The following DIP2C variants were observed in gnomAD, a reference collection of about 807,000 sequenced individuals.
DIP2C encodes DIP2 acetate--CoA ligase C (putative), also known as disco-interacting protein 2 homolog C.
In DIP2C, 33 loss-of-function variants were observed where a neutral mutation model predicts 192.4. The ratio of observed to expected loss-of-function variants is 0.17; its 90% CI spans 0.13 to 0.23. The LOEUF (loss-of-function observed/expected upper bound fraction) is 0.23. DIP2C is among the 10% of genes least tolerant of loss of function. DIP2C has a pLI of 1.00. For missense variants in DIP2C, 1,537 were observed against 2,110.1 expected (o/e 0.73, Z 5.32); for synonymous variants, 979 against 864.1 (o/e 1.13, Z -2.33).
chr10:570,722 G>A (rs1376379853), intron 1 of DIP2C, among the ~76,000 whole-genome samples: 1 of 152,232 alleles, frequency 6.6e-6, no homozygotes. Flanking sequence ...AGAGGAGGAA[G>A]CTTTGTAGAT....
chr10:684,797 A>C (rs1042327523), intron 1 of DIP2C, among the ~76,000 whole-genome samples: 44 of 152,198 alleles, frequency 2.9e-4, no homozygotes, highest in Admixed American at 2.7e-3. Flanking sequence ...GGCTGTGTGA[A>C]GACCATGTCT....
intron 16 of DIP2C, 29 bp from the exon 17 acceptor site, chr10:382,790 C>G (rs2132887610): frequency 6.7e-7 from 1 of 1,498,630 alleles, no homozygotes; most frequent in Non-Finnish European, 9.2e-7. Flanking sequence ...AATGATCAGA[C>G]AGCTGAAGCA....
At chr10:390,898 G>A (rs756586381) in intron 10 of DIP2C, 35 bp from the exon 11 acceptor site, 5 of 1,610,632 alleles carry the variant, frequency 3.1e-6, no homozygotes, top group Non-Finnish European at 4.2e-6. Flanking sequence ...GAGAATCCAC[G>A]ACCTGCCCCA....
At chr10:581,393 CAA>C (rs968342488) in intron 1 of DIP2C, among the ~76,000 whole-genome samples, 3 of 152,000 alleles carry the variant, frequency 2.0e-5, no homozygotes, top group East Asian at 1.9e-4. Flanking sequence ...TCTAGGAATA[CAA>C]AAGTCAAGGG....
At chr10:620,664 A>G (rs1853797603) in intron 1 of DIP2C, among the ~76,000 whole-genome samples, 1 of 152,242 alleles carries the variant, frequency 6.6e-6, no homozygotes, top group African/African-American at 2.4e-5. Context: ...ATACAAAAAA[A>G]TGACAAAGTA....
At chr10:549,828 T>C (rs549645046) in intron 1 of DIP2C, among the ~76,000 whole-genome samples, 56 of 152,170 alleles carry the variant, frequency 3.7e-4, no homozygotes, top group African/African-American at 1.3e-3. Context: ...TTCACATAGA[T>C]CTGAGTCCAC....
chr10:622,366 GGGAGAGAAGAAGGGGGAGGGAGGGAGGA>G (rs1328427151), intron 1 of DIP2C, among the ~76,000 whole-genome samples: 27 of 68,272 alleles, frequency 4.0e-4, no homozygotes, highest in Non-Finnish European at 7.3e-4. Context: ...GGGAGGGAGG[GGGAGAGAAGAAGGGGGAGGGAGGGAGGA>G]GGGGGAGGGA....
intron 29 of DIP2C, among the ~76,000 whole-genome samples, chr10:338,072 GTTT>G (rs1181984491): frequency 1.3e-5 from 2 of 152,158 alleles, no homozygotes; most frequent in African/African-American, 2.4e-5. Flanking sequence ...AGCTTCAAAT[GTTT>G]TTTAAAATTT....
At chr10:409,222 A>G (rs1965018439) in intron 8 of DIP2C, among the ~76,000 whole-genome samples, 1 of 152,158 alleles carries the variant, frequency 6.6e-6, no homozygotes, top group Admixed American at 6.5e-5. Context: ...CAGGGATTCT[A>G]AAGACAAAAC....
intron 1 of DIP2C, among the ~76,000 whole-genome samples, chr10:679,753 T>TGCCCATGATCCCCGC (rs1270021601): frequency 4.3e-5 from 6 of 138,568 alleles, no homozygotes; most frequent in Admixed American, 3.5e-4. Flanking sequence ...GTGCTCCCCA[T>TGCCCATGATCCCCGC]GCCCATGATC....
At chr10:315,115 T>TGAAGATA (rs1786064100) in intron 31 of DIP2C, among the ~76,000 whole-genome samples, 3 of 152,238 alleles carry the variant, frequency 2.0e-5, no homozygotes, top group Non-Finnish European at 4.4e-5. Context: ...CACAGTGTTA[T>TGAAGATA]GTGCTATGAA....
At chr10:324,265 G>T (rs1267911715) in intron 31 of DIP2C, among the ~76,000 whole-genome samples, 11 of 152,152 alleles carry the variant, frequency 7.2e-5, no homozygotes, top group African/African-American at 2.7e-4. Flanking sequence ...TTTGACATAG[G>T]CTGACATGAG....
chr10:436,038 T>C (rs1425899198), intron 4 of DIP2C, among the ~76,000 whole-genome samples: 4 of 152,194 alleles, frequency 2.6e-5, no homozygotes, highest in Non-Finnish European at 5.9e-5. Flanking sequence ...TACTATACTT[T>C]CAATAAGAAA....
At chr10:544,423 C>G (rs1362630274) in intron 1 of DIP2C, among the ~76,000 whole-genome samples, 1 of 152,158 alleles carries the variant, frequency 6.6e-6, no homozygotes, top group East Asian at 1.9e-4. Context: ...TTTGTAAAAA[C>G]GTTTTCAGTT....
At chr10:299,056 A>G (rs915036579) in intron 32 of DIP2C, among the ~76,000 whole-genome samples, 1 of 152,264 alleles carries the variant, frequency 6.6e-6, no homozygotes. Context: ...AAAACAGTAT[A>G]AAGAACACTT....
At chr10:670,261 C>T (rs992321909) in intron 1 of DIP2C, among the ~76,000 whole-genome samples, 2 of 152,156 alleles carry the variant, frequency 1.3e-5, no homozygotes, top group Non-Finnish European at 2.9e-5. Flanking sequence ...CGTACATGCA[C>T]ATACACGCAT....
At chr10:615,203 G>A (rs918922200) in intron 1 of DIP2C, among the ~76,000 whole-genome samples, 19 of 152,334 alleles carry the variant, frequency 1.2e-4, no homozygotes, top group South Asian at 4.1e-4. Flanking sequence ...GTCCCTAGGC[G>A]GGCTGCTTCT....
chr10:345,269 C>A (rs1406978570), intron 26 of DIP2C, 159 bp from the exon 27 acceptor site: 2 of 767,644 alleles, frequency 2.6e-6, no homozygotes, highest in Non-Finnish European at 4.5e-6. Flanking sequence ...TAGGACAGAG[C>A]TAGGAGTCTA....
intron 1 of DIP2C, among the ~76,000 whole-genome samples, chr10:561,463 G>A (rs1280289395): frequency 6.6e-6 from 1 of 152,172 alleles, no homozygotes; most frequent in Non-Finnish European, 1.5e-5. Flanking sequence ...GAGAGTCTCA[G>A]CAACAACGCA....
Sources: gnomAD v4.1 joint callset for allele counts (sites outside exome capture counted in the v4.1 genomes callset) on GRCh38, gnomAD v4.1.1 for gene constraint, MANE v1.5 for transcripts, NCBI Gene and HGNC (gene_info 2026-07-23, HGNC 2026-07-21) for gene names.